Variants in RB1 observed in about 807,000 individuals in gnomAD.
The protein encoded by RB1 is retinoblastoma-associated protein.
Under a neutral mutation model 135.4 loss-of-function variants are expected in RB1, and 18 were observed. The ratio of observed to expected loss-of-function variants is 0.13; its 90% CI spans 0.09 to 0.20. The LOEUF is 0.20. Among genes scored for constraint, RB1 ranks in the 10% least tolerant of loss-of-function variants. The probability of loss-of-function intolerance (pLI) is 1.00; values close to 1 mark genes in which losing one functional copy is unlikely to be tolerated. For synonymous variants in RB1, 365 were observed against 373.2 expected (o/e 0.98, Z 0.25); for missense variants, 868 against 1,110.0 (o/e 0.78, Z 3.10).
At chr13:48,313,792 A>C (rs1284910321) in intron 2 of RB1, among the ~76,000 whole-genome samples, 2 of 113,868 alleles carry the variant, frequency 1.8e-5, no homozygotes, top group Non-Finnish European at 3.3e-5. Context: ...TCTGTCGCCC[A>C]GGCTGGAGTG....
intron 17 of RB1, among the ~76,000 whole-genome samples, chr13:48,402,289 A>C (rs1191654035): frequency 2.0e-5 from 3 of 152,000 alleles, no homozygotes; most frequent in African/African-American, 7.2e-5. Context: ...GGGTCTTCTG[A>C]AAATAAACGT....
chr13:48,316,011 G>GT (rs1281199535), intron 2 of RB1, among the ~76,000 whole-genome samples: 2 of 151,954 alleles, frequency 1.3e-5, no homozygotes, highest in East Asian at 1.9e-4. Context: ...AACATCTATT[G>GT]TTTTTTTACT....
chr13:48,306,727 G>T (rs1952083925), intron 1 of RB1, among the ~76,000 whole-genome samples: 1 of 152,138 alleles, frequency 6.6e-6, no homozygotes. Flanking sequence ...CTTATTAGTA[G>T]ATAACACATA....
rs1952680873 is a variant in RB1 at position 48,364,976 on chromosome 13, T to G, written c.939+5T>G. On this transcript the variant is annotated splice_donor_5th_base_variant and intron_variant, in intron 9 of 26. Coordinates refer to ENST00000267163, the MANE Select transcript of RB1 (RefSeq NM_000321.3). ...ACATCTAATGGACTTCCAGAGGTAA[T>G]CTGAAAGGAAATTTAATAAAATATT... 2.6e-6 allele frequency: 4 copies of G among 1,566,398 alleles called. No individual in the cohort carries two copies. Among genetic ancestry groups the G allele is most frequent in the Non-Finnish European group, 3.5e-6 (4 of 1,151,940 alleles).
chr13:48,379,513 C>G, intron 13 of RB1, 81 bp from the exon 14 acceptor site: 1 of 1,381,430 alleles, frequency 7.2e-7, no homozygotes, highest in Non-Finnish European at 9.6e-7. Context: ...CAGTGAGACT[C>G]CATCTCAAAA....
At chr13:48,354,082 T>C (rs1225133096) in intron 6 of RB1, among the ~76,000 whole-genome samples, 1 of 152,114 alleles carries the variant, frequency 6.6e-6, no homozygotes, top group Non-Finnish European at 1.5e-5. Flanking sequence ...CTGGAAGTCC[T>C]AGATAGAGTA....
chr13:48,430,104 C>T (rs1480149016), intron 17 of RB1, among the ~76,000 whole-genome samples: 2 of 152,174 alleles, frequency 1.3e-5, no homozygotes, highest in Non-Finnish European at 2.9e-5. Context: ...TTTGCATTCT[C>T]CACACCTTCA....
At position 48,434,560 on chromosome 13, in the gene RB1, CTT is replaced by C. The variant is rs755310518; in HGVS notation, c.1696-18431_1696-18430del. Among the ~76,000 whole-genome samples, 85 of 152,248 alleles carry C rather than the reference CTT, an allele frequency of 5.6e-4. 1 individual carries two copies. The highest frequency in any genetic ancestry group is 1.7e-3 in the South Asian group (8 of 4,818). ...AAAAACACCCTGGCCCAGGAAGTCT[CTT>C]TAACCCTACAGCCGAGACTCTTTCT... On this transcript the variant is annotated intron_variant, in intron 17 of 26. Transcript: ENST00000267163.
At chr13:48,348,108 A>G (rs1330039927) in intron 5 of RB1, among the ~76,000 whole-genome samples, 2 of 151,974 alleles carry the variant, frequency 1.3e-5, no homozygotes, top group Admixed American at 1.3e-4. Context: ...CATATCACCA[A>G]CTCTGAGAAA....
intron 2 of RB1, among the ~76,000 whole-genome samples, chr13:48,331,971 C>A (rs1229496673): frequency 1.3e-5 from 2 of 152,138 alleles, no homozygotes; most frequent in Non-Finnish European, 2.9e-5. Flanking sequence ...AAGATCATGA[C>A]AAACCCAGTT....
intron 17 of RB1, among the ~76,000 whole-genome samples, chr13:48,441,213 A>G (rs1593519379): frequency 6.6e-6 from 1 of 152,176 alleles, no homozygotes; most frequent in East Asian, 1.9e-4. Context: ...CCTTCTTACC[A>G]TGTCCTCAGA....
At chr13:48,307,799 G>A (rs984274165) in intron 2 of RB1, among the ~76,000 whole-genome samples, 6 of 151,064 alleles carry the variant, frequency 4.0e-5, no homozygotes, top group Non-Finnish European at 8.9e-5. Context: ...GGAGGTGGAG[G>A]TTACAGTGAG....
At chr13:48,464,482 G>A (rs533712571) in intron 21 of RB1, among the ~76,000 whole-genome samples, 1 of 152,178 alleles carries the variant, frequency 6.6e-6, no homozygotes, top group Non-Finnish European at 1.5e-5. Flanking sequence ...AAATTTGAGT[G>A]AAATCTAACT....
At chr13:48,451,926 G>C (rs1182030356) in intron 17 of RB1, among the ~76,000 whole-genome samples, 1 of 151,860 alleles carries the variant, frequency 6.6e-6, no homozygotes, top group East Asian at 1.9e-4. Flanking sequence ...ATTTTCTGAT[G>C]GTTGTTTGTA....
chr13:48,331,378 A>G (rs1952335017), intron 2 of RB1, among the ~76,000 whole-genome samples: 2 of 152,228 alleles, frequency 1.3e-5, no homozygotes, highest in Non-Finnish European at 1.5e-5. Context: ...TGGTAGTATT[A>G]AAGATGGGGC....
In RB1 at chr13:48,481,259, G is replaced by C. The variant is rs549853297; in HGVS notation, c.*1188G>C. 8.6e-6 allele frequency: 2 copies of C among 231,836 alleles called. No homozygotes were observed. Among genetic ancestry groups the C allele is most frequent in the South Asian group, 3.6e-4 (2 of 5,490 alleles). The allele number at this position is 231,836 out of a possible 1,614,324, so 14.4% of individuals were successfully genotyped here. A position where few individuals can be genotyped will look rare whatever the true frequency, so the allele number is the denominator to read the frequency against. ...AGTCCAAAATTACAAGTAATCAAGG[G>C]TCATTATGGGTTAGGCATTAATGTT... On this transcript the variant is annotated 3_prime_UTR_variant, in exon 27 of 27. Transcript: ENST00000267163.
intron 2 of RB1, among the ~76,000 whole-genome samples, chr13:48,315,845 A>G (rs1424389955): frequency 6.6e-6 from 1 of 152,108 alleles, no homozygotes; most frequent in Admixed American, 6.5e-5. Context: ...GACTTCTTTT[A>G]TTTTGGGTAG....
chr13:48,317,264 G>A (rs1198253360), intron 2 of RB1: 2 of 413,616 alleles, frequency 4.8e-6, no homozygotes, highest in Non-Finnish European at 8.6e-6. Flanking sequence ...GGTGGACAGC[G>A]CGGGGAGAAG....
At chr13:48,311,522 A>G (rs1467689541) in intron 2 of RB1, among the ~76,000 whole-genome samples, 1 of 152,156 alleles carries the variant, frequency 6.6e-6, no homozygotes, top group Non-Finnish European at 1.5e-5. Context: ...TGTACTGAAC[A>G]TTGTAGGCAA....
Sources: allele counts gnomAD v4.1 joint callset (sites outside exome capture counted in the v4.1 genomes callset), GRCh38; gene constraint gnomAD v4.1.1; transcripts MANE v1.5; gene names NCBI Gene and HGNC (gene_info 2026-07-23, HGNC 2026-07-21).